The following LMLN variants were observed in gnomAD, a reference collection of about 807,000 sequenced individuals.
LMLN encodes leishmanolysin-like peptidase.
In LMLN, 70 loss-of-function variants were observed where a neutral mutation model predicts 92.3. The observed-to-expected ratio is 0.76, with a 90% CI of 0.63 to 0.92. The LOEUF is 0.92. Ranked by LOEUF, LMLN falls within the 40% of genes least tolerant of loss-of-function variation. The probability of loss-of-function intolerance (pLI) is 0.00; values close to 1 mark genes in which losing one functional copy is unlikely to be tolerated. For synonymous variants in LMLN, 308 were observed against 296.2 expected, an observed-to-expected ratio of 1.04 and a Z score of -0.41; for missense variants, 691 against 814.6, an observed-to-expected ratio of 0.85 and a Z score of 1.85.
intron 1 of LMLN, among the ~76,000 whole-genome samples, chr3:197,967,708 T>C (rs1405573694): frequency 6.6e-6 from 1 of 152,174 alleles, no homozygotes; most frequent in Non-Finnish European, 1.5e-5. Context: ...GTGGGGTTTT[T>C]TCCCCACCCT....
At chr3:197,970,575 G>C (rs1262602169) in intron 1 of LMLN, among the ~76,000 whole-genome samples, 1 of 152,156 alleles carries the variant, frequency 6.6e-6, no homozygotes, top group African/African-American at 2.4e-5. Flanking sequence ...AGAGTCCAGG[G>C]TTTTTATTGG....
intron 11 of LMLN, among the ~76,000 whole-genome samples, chr3:198,012,090 G>T (rs531841444): frequency 1.3e-4 from 20 of 152,262 alleles, no homozygotes; most frequent in African/African-American, 4.8e-4. Flanking sequence ...TTTTGAGACG[G>T]AGTTTCACTC....
At chr3:198,028,462 TA>T (rs1231494451) in intron 14 of LMLN, among the ~76,000 whole-genome samples, 1 of 152,182 alleles carries the variant, frequency 6.6e-6, no homozygotes, top group Admixed American at 6.5e-5. Context: ...ATAAATGAAA[TA>T]AAAAGTGGGA....
At chr3:198,023,898 T>C (rs1382123941) in intron 13 of LMLN, among the ~76,000 whole-genome samples, 2 of 152,212 alleles carry the variant, frequency 1.3e-5, no homozygotes, top group African/African-American at 4.8e-5. Flanking sequence ...TTTGTGGACT[T>C]CCAGGAGGTG....
rs1187437907 is a variant in LMLN at position 198,025,429 on chromosome 3, T to G, written c.1656+641T>G. On this transcript the variant is annotated intron_variant, in intron 14 of 15. Coordinates refer to ENST00000330198, the Ensembl canonical transcript of LMLN. This position sits in a 1 kb window ranked among gnomAD's most constrained non-coding sequence, Gnocchi z 4.3. ...TGCTCTGTCAGCTAGGCTGGAGTGC[T>G]GCTGCAGTCACGGCTCATTATATCC... Among the ~76,000 whole-genome samples the G allele has an allele frequency of 6.6e-6, 1 of 152,170 alleles. No individual in the cohort carries two copies. The highest frequency in any genetic ancestry group is 1.5e-5 in the Non-Finnish European group (1 of 68,026).
intron 5 of LMLN, among the ~76,000 whole-genome samples, chr3:197,977,706 A>ATC: frequency 6.6e-6 from 1 of 152,124 alleles, no homozygotes. Flanking sequence ...ACATATAAAA[A>ATC]ATCACCAAAC....
At chr3:197,967,133 T>A (rs533774995) in intron 1 of LMLN, among the ~76,000 whole-genome samples, 1 of 152,224 alleles carries the variant, frequency 6.6e-6, no homozygotes, top group Non-Finnish European at 1.5e-5. Context: ...GTAGTTTTTT[T>A]AATTTTATTT....
intron 6 of LMLN, among the ~76,000 whole-genome samples, chr3:197,982,223 C>CT (rs1241377836): frequency 0.18 from 21,176 of 116,568 alleles, 4,665 homozygotes; most frequent in African/African-American, 0.51. Flanking sequence ...CAGTTACCTT[C>CT]TTTTTTTTTT....
At chr3:197,960,422 C>T (rs895647830) in exon 1 of LMLN, 2 of 1,613,838 alleles carry the variant, frequency 1.2e-6, no homozygotes, top group Non-Finnish European at 1.7e-6. Context: ...GCCGGCACCA[C>T]GTCCCCTCTG....
chr3:198,006,253 T>C (rs981174665), intron 11 of LMLN, among the ~76,000 whole-genome samples: 3 of 152,222 alleles, frequency 2.0e-5, no homozygotes, highest in African/African-American at 7.2e-5. Context: ...TATCAATAAT[T>C]TCACTTTTCA....
intron 14 of LMLN, among the ~76,000 whole-genome samples, chr3:198,028,435 G>A (rs1000727204): frequency 6.6e-6 from 1 of 152,160 alleles, no homozygotes; most frequent in African/African-American, 2.4e-5. Context: ...TAATTGCTGA[G>A]ACTAACATAA....
In LMLN at chr3:198,019,192, A is replaced by G. The variant is rs565853593; in HGVS notation, c.1233-61A>G. 1.8e-5 allele frequency: 27 copies of G among 1,500,158 alleles called. No homozygotes were observed. In the Admixed American group the frequency reaches 4.0e-4, roughly 22 times the overall value. The allele number at this position is 1,500,158 out of a possible 1,614,324, so 92.9% of individuals were successfully genotyped here. A position where few individuals can be genotyped will look rare whatever the true frequency, so the allele number is the denominator to read the frequency against. On this transcript the variant is annotated intron_variant, in intron 11 of 15. Transcript: ENST00000330198. The surrounding 1 kb of genome is among the most constrained non-coding windows in gnomAD (Gnocchi z 5.5). Reference sequence around the variant, plus strand: ...ATCTGGAATTCCATTTGTTGGCTGTATAATGGACTTGCAGTATTTTCTTTA... The same window carrying G: ...ATCTGGAATTCCATTTGTTGGCTGTGTAATGGACTTGCAGTATTTTCTTTA...
At chr3:197,977,840 G>A (rs139187985) in intron 5 of LMLN, among the ~76,000 whole-genome samples, 1,776 of 151,494 alleles carry the variant, frequency 0.012, 14 homozygotes, top group Non-Finnish European at 0.016. Flanking sequence ...GTACACACAC[G>A]TTAAATCTGG....
At chr3:197,960,568 TACAGGCCTGGG>T in intron 1 of LMLN, 128 bp downstream of exon 1, 1 of 827,710 alleles carries the variant, frequency 1.2e-6, no homozygotes, top group Non-Finnish European at 1.9e-6. Flanking sequence ...GCCTGACTCT[TACAGGCCTGGG>T]ACCCGCTCTC....
chr3:197,978,344 A>G (rs528656905), intron 5 of LMLN, among the ~76,000 whole-genome samples: 112 of 152,344 alleles, frequency 7.4e-4, no homozygotes, highest in African/African-American at 2.4e-3. Flanking sequence ...TCAAAAAAAT[A>G]AAAAATTTAG....
chr3:198,017,725 T>C (rs1722678756), intron 11 of LMLN, among the ~76,000 whole-genome samples: 1 of 152,154 alleles, frequency 6.6e-6, no homozygotes, highest in East Asian at 1.9e-4. Context: ...GAGACCATCC[T>C]GGCCAAGATG....
intron 11 of LMLN, among the ~76,000 whole-genome samples, chr3:198,013,462 C>T (rs1722513071): frequency 8.0e-6 from 1 of 124,440 alleles, no homozygotes; most frequent in Non-Finnish European, 1.7e-5. Flanking sequence ...GACTTCTCTC[C>T]ACCCATCAGA....
At chr3:198,037,998 G>A (rs987881964) in intron 15 of LMLN, among the ~76,000 whole-genome samples, 8 of 150,414 alleles carry the variant, frequency 5.3e-5, no homozygotes, top group Admixed American at 2.0e-4. Flanking sequence ...GCCTATTGTC[G>A]TTATTGCTGG....
intron 1 of LMLN, among the ~76,000 whole-genome samples, chr3:197,971,377 G>C (rs757322091): frequency 2.6e-5 from 4 of 152,146 alleles, no homozygotes; most frequent in Non-Finnish European, 5.9e-5. Flanking sequence ...CAGATCTTGT[G>C]AGAACTCACT....
Sources: allele counts gnomAD v4.1 joint callset (sites outside exome capture counted in the v4.1 genomes callset), GRCh38; gene constraint gnomAD v4.1.1; non-coding constraint Gnocchi (gnomAD v3.1); transcripts MANE v1.5; gene names NCBI Gene and HGNC (gene_info 2026-07-23, HGNC 2026-07-21).